Variants in ADGRL3 observed in about 807,000 individuals in gnomAD.
The protein encoded by ADGRL3 is adhesion G protein-coupled receptor L3, also known as calcium-independent alpha-latrotoxin receptor 3.
Under a neutral mutation model 153.5 loss-of-function variants are expected in ADGRL3, and 62 were observed. The observed-to-expected ratio is 0.40, with a 90% confidence interval of 0.33 to 0.50. The LOEUF (loss-of-function observed/expected upper bound fraction) is 0.50, where lower values mean the gene tolerates loss of function less well. Ranked by LOEUF, ADGRL3 falls within the 20% of genes least tolerant of loss-of-function variation. The probability of loss-of-function intolerance (pLI) is 0.47; values close to 1 mark genes in which losing one functional copy is unlikely to be tolerated. For missense variants in ADGRL3, 1,641 were observed against 1,859.4 expected, an observed-to-expected ratio of 0.88 and a Z score of 2.16; for synonymous variants, 710 against 672.5, an observed-to-expected ratio of 1.06 and a Z score of -0.86.
rs146040622 is a variant in ADGRL3 at position 61,806,173 on chromosome 4, C to T, written c.1400-7636C>T. Among the ~76,000 whole-genome samples, 904 of 152,134 alleles carry T rather than the reference C, an allele frequency of 5.9e-3. 9 individuals carry two copies. The highest frequency in any genetic ancestry group is 0.02 in the African/African-American group (849 of 41,532). On this transcript the variant is annotated intron_variant, in intron 8 of 26. Transcript: ENST00000683033. ...AGCTGCAGGTGGTACTTCCAACCCT[C>T]GTGGAGTTTTACATCTGATTCATCC...
intron 11 of ADGRL3, among the ~76,000 whole-genome samples, chr4:61,899,048 G>A (rs565589212): frequency 6.6e-6 from 1 of 152,154 alleles, no homozygotes; most frequent in East Asian, 1.9e-4. Context: ...TCTCCTGTTG[G>A]CACAGCTGCC....
intron 25 of ADGRL3, among the ~76,000 whole-genome samples, chr4:62,060,082 T>A (rs1026495749): frequency 1.3e-5 from 2 of 152,048 alleles, no homozygotes; most frequent in Non-Finnish European, 2.9e-5. Context: ...GGCTTTTCAA[T>A]AAACTGAATG....
intron 21 of ADGRL3, among the ~76,000 whole-genome samples, chr4:62,008,376 A>G (rs544006905): frequency 6.6e-6 from 1 of 152,262 alleles, no homozygotes; most frequent in African/African-American, 2.4e-5. Context: ...TAGGCAAAAG[A>G]GTATGGGGTA....
chr4:61,887,626 C>G (rs188041228), intron 9 of ADGRL3, among the ~76,000 whole-genome samples: 1 of 152,210 alleles, frequency 6.6e-6, no homozygotes, highest in East Asian at 1.9e-4. Context: ...GAGGGCAGAT[C>G]GCAAGGTCAA....
rs746773994 is a variant in ADGRL3, at chr4:61,948,218, C to T, written c.2747C>T (p.Thr916Ile). 1.2e-6 allele frequency: 2 copies of T among 1,613,866 alleles called. No homozygotes were observed. The highest frequency in any genetic ancestry group is 1.1e-5 in the South Asian group (1 of 91,078). ...RLLTTNKTHT[T>I]CSCNHLTNFA... ...CTGACAACAAATAAGACACATACTA[C>T]ATGCTCTTGTAACCACCTAACAAAT... The change falls in exon 17 of 27, where the codon ACA becomes ATA. Residue 916 changes from threonine to isoleucine, a missense_variant. By Grantham distance (89) the Thr-to-Ile change is moderately conservative. Transcript: ENST00000683033.
intron 2 of ADGRL3, among the ~76,000 whole-genome samples, chr4:61,490,324 A>G (rs2098244517): frequency 6.6e-6 from 1 of 151,200 alleles, no homozygotes; most frequent in South Asian, 2.1e-4. Flanking sequence ...TCTCATCTTC[A>G]TTCTCTTCCT....
At chr4:61,995,013 G>A (rs2099116947) in intron 19 of ADGRL3, among the ~76,000 whole-genome samples, 1 of 151,466 alleles carries the variant, frequency 6.6e-6, no homozygotes, top group Non-Finnish European at 1.5e-5. Flanking sequence ...CCTGGGTTTA[G>A]GTGATCCTAC....
In ADGRL3 at chr4:61,566,234, G is replaced by A. The variant is rs75612243; in HGVS notation, c.260-20993G>A. 3.5e-3 allele frequency among the ~76,000 whole-genome samples: 530 copies of A among 152,236 alleles called. 4 individuals carry two copies. Among genetic ancestry groups the A allele is most frequent in the African/African-American group, 0.01 (433 of 41,542 alleles). On this transcript the variant is annotated intron_variant, in intron 4 of 26. Coordinates refer to ENST00000683033, the MANE Select transcript of ADGRL3 (RefSeq NM_001387552.1). Reference sequence around the variant, plus strand: ...TATGAAGACAAGATTTGTTTCAGGCGTCTCCCCTTCGCTTGTAGTTGGCTG... The same window carrying A: ...TATGAAGACAAGATTTGTTTCAGGCATCTCCCCTTCGCTTGTAGTTGGCTG...
chr4:62,031,801 A>G (rs1465420908), intron 23 of ADGRL3, among the ~76,000 whole-genome samples, 191 bp downstream of exon 23: 1 of 151,634 alleles, frequency 6.6e-6, no homozygotes, highest in East Asian at 1.9e-4. Flanking sequence ...TCCAATAGTA[A>G]AAAACAATAA....
chr4:61,270,574 C>T (rs74329144), intron 1 of ADGRL3, among the ~76,000 whole-genome samples: 11,637 of 151,692 alleles, frequency 0.077, 417 homozygotes, highest in Non-Finnish European at 0.089. Context: ...TTAGACTTTG[C>T]GTATAACATA....
At chr4:61,215,814 AGT>A (rs1742501999) in intron 1 of ADGRL3, among the ~76,000 whole-genome samples, 1 of 151,926 alleles carries the variant, frequency 6.6e-6, no homozygotes, top group Non-Finnish European at 1.5e-5. Flanking sequence ...GGCCTCCCAA[AGT>A]GCTGGGATTA....
intron 2 of ADGRL3, among the ~76,000 whole-genome samples, chr4:61,488,700 T>G (rs1336658245): frequency 6.6e-6 from 1 of 152,088 alleles, no homozygotes; most frequent in Non-Finnish European, 1.5e-5. Context: ...CAGTGATATT[T>G]CTACAACTTG....
chr4:61,281,446 G>A (rs2093721374), intron 1 of ADGRL3, among the ~76,000 whole-genome samples: 1 of 152,246 alleles, frequency 6.6e-6, no homozygotes, highest in Middle Eastern at 3.4e-3. Context: ...ATTTTAAGAG[G>A]ACTTACAATG....
At chr4:61,689,193 T>C (rs2095497657) in intron 6 of ADGRL3, among the ~76,000 whole-genome samples, 1 of 152,082 alleles carries the variant, frequency 6.6e-6, no homozygotes, top group African/African-American at 2.4e-5. Flanking sequence ...CTTCAACTGG[T>C]GTTAGCTTTT....
intron 1 of ADGRL3, among the ~76,000 whole-genome samples, chr4:61,381,592 T>C (rs1466037623): frequency 2.0e-5 from 3 of 151,842 alleles, no homozygotes; most frequent in African/African-American, 4.8e-5. Flanking sequence ...AAATTAGTCA[T>C]GCTTGGATGT....
chr4:61,930,243 G>A (rs909928247), intron 13 of ADGRL3, among the ~76,000 whole-genome samples: 1 of 151,370 alleles, frequency 6.6e-6, no homozygotes, highest in Non-Finnish European at 1.5e-5. Flanking sequence ...TCCTTCTATT[G>A]GGGTATTTAT....
At chr4:61,651,060 A>G (rs1330102593) in intron 5 of ADGRL3, among the ~76,000 whole-genome samples, 1 of 152,196 alleles carries the variant, frequency 6.6e-6, no homozygotes, top group African/African-American at 2.4e-5. Flanking sequence ...CTCAATTCTT[A>G]TGATTCTTAG....
At chr4:61,497,484 A>G in intron 3 of ADGRL3, 136 bp downstream of exon 3, 1 of 531,040 alleles carries the variant, frequency 1.9e-6, no homozygotes. Context: ...AGTTAAAATA[A>G]AAGAACATAA....
intron 8 of ADGRL3, among the ~76,000 whole-genome samples, chr4:61,808,927 A>G (rs931216275): frequency 6.6e-6 from 1 of 152,090 alleles, no homozygotes; most frequent in South Asian, 2.1e-4. Flanking sequence ...GTAGTAGAGC[A>G]GAGAGATATA....
Sources: gnomAD v4.1 joint callset for allele counts (sites outside exome capture counted in the v4.1 genomes callset) on GRCh38, gnomAD v4.1.1 for gene constraint, MANE v1.5 for transcripts, NCBI Gene and HGNC (gene_info 2026-07-23, HGNC 2026-07-21) for gene names.